Variants in PAIP2B observed in about 807,000 individuals in gnomAD.
The protein encoded by PAIP2B is poly(A) binding protein interacting protein 2B, also known as polyadenylate-binding protein-interacting protein 2B.
In PAIP2B, 13 loss-of-function variants were observed where a neutral mutation model predicts 17.0. The ratio of observed to expected loss-of-function variants is 0.76; its 90% CI spans 0.50 to 1.22. The LOEUF is 1.22. PAIP2B is among the 50% of genes most tolerant of loss of function. The pLI is 0.00. For missense variants in PAIP2B, 117 were observed against 144.5 expected (o/e 0.81, Z 0.98); for synonymous variants, 43 against 48.7 (o/e 0.88, Z 0.48).
chr2:71,206,122 C>T (rs1469377077), intron 1 of PAIP2B, among the ~76,000 whole-genome samples: 3 of 152,218 alleles, frequency 2.0e-5, no homozygotes, highest in Non-Finnish European at 4.4e-5. Context: ...TGTCACCTAA[C>T]AATAGCTTAT....
At chr2:71,206,553 A>G (rs1225914865) in intron 1 of PAIP2B, among the ~76,000 whole-genome samples, 1 of 152,190 alleles carries the variant, frequency 6.6e-6, no homozygotes, top group African/African-American at 2.4e-5. Flanking sequence ...TGTGGCTTGA[A>G]ATAGGGACTT....
chr2:71,209,947 C>T (rs530796630), intron 1 of PAIP2B, among the ~76,000 whole-genome samples: 12 of 152,140 alleles, frequency 7.9e-5, no homozygotes, highest in African/African-American at 2.7e-4. Context: ...GCCTCAGCCT[C>T]CTGAGTAGCT....
chr2:71,189,232 T>C (rs357778), intron 3 of PAIP2B, among the ~76,000 whole-genome samples: 43,464 of 151,932 alleles, frequency 0.29, 6,503 homozygotes, highest in South Asian at 0.49. Context: ...AGGCTGGTCT[T>C]GAACTCCAGA....
intron 2 of PAIP2B, 78 bp from the exon 3 acceptor site, chr2:71,190,099 C>G: frequency 7.3e-7 from 1 of 1,374,832 alleles, no homozygotes; most frequent in South Asian, 1.4e-5. Flanking sequence ...CCACCTCTTT[C>G]CTTCAGAAGG....
chr2:71,193,588 C>T (rs1407170969), intron 2 of PAIP2B, among the ~76,000 whole-genome samples: 1 of 152,126 alleles, frequency 6.6e-6, no homozygotes, highest in Non-Finnish European at 1.5e-5. Context: ...GGTGCAGTGG[C>T]TCCGCCTGTA....
At chr2:71,205,510 A>G (rs1305348442) in intron 1 of PAIP2B, among the ~76,000 whole-genome samples, 4 of 152,130 alleles carry the variant, frequency 2.6e-5, no homozygotes, top group African/African-American at 9.7e-5. Flanking sequence ...GGCAATAGGG[A>G]GATTTTTGTT....
At chr2:71,196,131 T>A (rs1375081129) in intron 2 of PAIP2B, among the ~76,000 whole-genome samples, 1 of 152,192 alleles carries the variant, frequency 6.6e-6, no homozygotes, top group East Asian at 1.9e-4. Context: ...AGATCTTTTA[T>A]CACTTTGTGA....
At chr2:71,211,547 C>A (rs540229339) in intron 1 of PAIP2B, among the ~76,000 whole-genome samples, 1 of 150,336 alleles carries the variant, frequency 6.7e-6, no homozygotes, top group Non-Finnish European at 1.5e-5. Context: ...CTAATTCCTA[C>A]ACCAACAGTT....
In PAIP2B at chr2:71,204,660, C is replaced by A. The variant is rs191382739; in HGVS notation, c.-11-2060G>T. Among the ~76,000 whole-genome samples, 357 of 152,232 alleles carry A rather than the reference C, an allele frequency of 2.3e-3. 2 individuals are homozygous for A. Among genetic ancestry groups the A allele is most frequent in the African/African-American group, 8.3e-3 (343 of 41,554 alleles). ...AAATAGAAACAAAAGAAATCAATGTCTATTCCAAATACAGATCCATAATAA... is the reference window on the plus strand; with the variant it reads ...AAATAGAAACAAAAGAAATCAATGTATATTCCAAATACAGATCCATAATAA... On this transcript the variant is annotated intron_variant, in intron 1 of 3. Coordinates refer to ENST00000244221, the MANE Select transcript of PAIP2B (RefSeq NM_020459.1).
intron 1 of PAIP2B, among the ~76,000 whole-genome samples, chr2:71,217,011 A>T (rs1422835969): frequency 1.3e-5 from 2 of 152,246 alleles, no homozygotes; most frequent in African/African-American, 4.8e-5. Flanking sequence ...TTACATCTAA[A>T]GTTTTAGAAA....
chr2:71,224,028 C>T (rs1397816565), intron 1 of PAIP2B, among the ~76,000 whole-genome samples: 1 of 152,186 alleles, frequency 6.6e-6, no homozygotes, highest in Non-Finnish European at 1.5e-5. Context: ...TATGGATATA[C>T]ACATAGTAGT....
intron 1 of PAIP2B, among the ~76,000 whole-genome samples, chr2:71,217,235 G>A (rs1675449020): frequency 1.3e-5 from 2 of 152,186 alleles, no homozygotes; most frequent in Admixed American, 1.3e-4. Flanking sequence ...CCAGGTTCAA[G>A]TGATTCTCCT....
At chr2:71,209,398 G>A (rs971995905) in intron 1 of PAIP2B, among the ~76,000 whole-genome samples, 2 of 152,204 alleles carry the variant, frequency 1.3e-5, no homozygotes, top group Non-Finnish European at 2.9e-5. Context: ...TGATAGTGTA[G>A]GTCCTGGGAA....
At position 71,210,306 on chromosome 2, in the gene PAIP2B, C is replaced by T. The variant is rs72907640; in HGVS notation, c.-11-7706G>A. Among the ~76,000 whole-genome samples, 1,328 of 152,210 alleles carry T rather than the reference C, an allele frequency of 8.7e-3. 25 individuals are homozygous for T. Among genetic ancestry groups the T allele is most frequent in the African/African-American group, 0.031 (1,272 of 41,522 alleles). On this transcript the variant is annotated intron_variant, in intron 1 of 3. Transcript: ENST00000244221. ...GCTTTAGGTGGGGTGAGGAGACGTA[C>T]GACATGTATATGAAAATTTTTTAAA...
At chr2:71,194,765 T>C (rs1206185474) in intron 2 of PAIP2B, among the ~76,000 whole-genome samples, 1 of 152,214 alleles carries the variant, frequency 6.6e-6, no homozygotes, top group African/African-American at 2.4e-5. Flanking sequence ...CAATACTATG[T>C]TGAATGTAAG....
chr2:71,223,268 T>C (rs1675636553), intron 1 of PAIP2B, among the ~76,000 whole-genome samples: 1 of 151,816 alleles, frequency 6.6e-6, no homozygotes, highest in Non-Finnish European at 1.5e-5. Flanking sequence ...CAAAAATTCG[T>C]TGGGTGTGGT....
intron 2 of PAIP2B, among the ~76,000 whole-genome samples, chr2:71,196,707 G>A (rs1674829832): frequency 6.6e-6 from 1 of 152,034 alleles, no homozygotes; most frequent in Non-Finnish European, 1.5e-5. Context: ...TATGTTGTGT[G>A]CATATGTATT....
chr2:71,196,779 G>C (rs945001846), intron 2 of PAIP2B, among the ~76,000 whole-genome samples: 1 of 152,052 alleles, frequency 6.6e-6, no homozygotes, highest in Non-Finnish European at 1.5e-5. Context: ...TCCTTCCCTT[G>C]TCTTTTTTTA....
At chr2:71,226,677 G>C (rs374275093) in intron 1 of PAIP2B, among the ~76,000 whole-genome samples, 17 of 152,104 alleles carry the variant, frequency 1.1e-4, no homozygotes, top group Admixed American at 5.9e-4. Context: ...GCACCTGTGC[G>C]GGGGGGAAAG....
Sources: gnomAD v4.1 joint callset for allele counts (sites outside exome capture counted in the v4.1 genomes callset) on GRCh38, gnomAD v4.1.1 for gene constraint, MANE v1.5 for transcripts, NCBI Gene and HGNC (gene_info 2026-07-23, HGNC 2026-07-21) for gene names.